Variants in GPI observed in about 807,000 individuals in gnomAD.
The protein encoded by GPI is glucose-6-phosphate isomerase.
A neutral mutation model predicts 75.8 loss-of-function variants in GPI; 56 were observed. That is an observed-to-expected ratio of 0.74 (90% CI 0.60 to 0.92). The LOEUF is 0.92. Among genes scored for constraint, GPI ranks in the 40% least tolerant of loss-of-function variants. GPI has a pLI of 0.00. For synonymous variants in GPI, 288 were observed against 285.4 expected (o/e 1.01, Z -0.09); for missense variants, 638 against 741.0 (o/e 0.86, Z 1.61).
In GPI at chr19:34,393,978, T is replaced by G. The variant is rs1242959406; in HGVS notation, c.974T>G (p.Ile325Ser). The G allele has an allele frequency of 1.9e-6, 3 of 1,613,656 alleles. No homozygotes were observed. The highest frequency in any genetic ancestry group is 2.5e-6 in the Non-Finnish European group (3 of 1,179,796). The change falls in exon 12 of 18, where the codon ATC becomes AGC. Residue 325 changes from isoleucine to serine, a missense_variant. Transcript: ENST00000356487. The surrounding 1 kb of genome is among the most constrained non-coding windows in gnomAD (Gnocchi z 4.4). ...NAPVLLALLG[I>S]WYINCFGCET... is the part of the protein sequence containing the mutation. The stretch of plus-strand genomic sequence containing the variant: ...CCCGTCTTGCTGGCCCTGCTGGGTA[T>G]CTGGTACATCAACTGCTTTGGGTGT...
intron 9 of GPI, among the ~76,000 whole-genome samples, chr19:34,384,322 G>A (rs1345256030): frequency 6.6e-6 from 1 of 152,192 alleles, no homozygotes; most frequent in Non-Finnish European, 1.5e-5. Flanking sequence ...AGCAGATCTA[G>A]CAGGCGAGGT....
upstream of GPI, among the ~76,000 whole-genome samples, chr19:34,362,122 A>G (rs1223403941): frequency 6.6e-5 from 10 of 150,810 alleles, no homozygotes; most frequent in East Asian, 1.9e-3. Flanking sequence ...TCAAAAAAAA[A>G]AAAAAAAAAA....
chr19:34,377,329 AAAAAAAAATATATAT>A (rs1568333189), intron 4 of GPI, among the ~76,000 whole-genome samples, 159 bp from the exon 5 acceptor site: 1 of 92,218 alleles, frequency 1.1e-5, no homozygotes, highest in African/African-American at 5.4e-5. Flanking sequence ...AAAAAAAAAA[AAAAAAAAATATATAT>A]ATATATATAT....
chr19:34,382,163 G>A (rs912892892), intron 9 of GPI, among the ~76,000 whole-genome samples: 1 of 152,186 alleles, frequency 6.6e-6, no homozygotes, highest in African/African-American at 2.4e-5. Flanking sequence ...CAGGGTGCAG[G>A]GGTGCAGTGC....
At chr19:34,360,445 G>T (rs180696555), upstream of GPI, among the ~76,000 whole-genome samples, 13 of 152,150 alleles carry the variant, frequency 8.5e-5, no homozygotes, top group African/African-American at 2.9e-4. Context: ...ATAATAATAA[G>T]AAAATTAGCC....
At position 34,400,025 on chromosome 19, in the gene GPI, A is replaced by G; in HGVS notation, c.1666A>G (p.Arg556Gly). The G allele has an allele frequency of 6.2e-7, 1 of 1,612,236 alleles. No homozygotes were observed. The highest frequency in any genetic ancestry group is 8.5e-7 in the Non-Finnish European group (1 of 1,179,994). ...CTTCATCAAGCAGCAGCGCGAGGCC[A>G]GAGTCCAATAAACTCGTGCTCATCT... ...INFIKQQREA[R>G]VQ Residue 556 changes from arginine to glycine, a missense_variant, in exon 18 of 18, where the codon AGA becomes GGA. Coordinates refer to ENST00000356487, the MANE Select transcript of GPI (RefSeq NM_000175.5).
chr19:34,381,571 A>G, intron 9 of GPI, 52 bp downstream of exon 9: 4 of 1,254,608 alleles, frequency 3.2e-6, no homozygotes, highest in East Asian at 2.3e-5. Flanking sequence ...TTGCCAAGTC[A>G]TGGCTGTTGA....
chr19:34,375,530 G>A (rs541119464), intron 4 of GPI, among the ~76,000 whole-genome samples: 43 of 152,258 alleles, frequency 2.8e-4, no homozygotes, highest in African/African-American at 9.1e-4. Flanking sequence ...TTGGTTTGGG[G>A]ATCTCTCATA....
At chr19:34,366,128 C>G (rs778577493) in intron 1 of GPI, 1 of 696,862 alleles carries the variant, frequency 1.4e-6, no homozygotes, top group Non-Finnish European at 2.6e-6. Context: ...CTGCCTGCAT[C>G]TACGGTCTGT....
upstream of GPI, among the ~76,000 whole-genome samples, chr19:34,361,750 G>GA (rs113197399): frequency 1.3e-5 from 2 of 152,238 alleles, no homozygotes; most frequent in African/African-American, 4.8e-5. Flanking sequence ...GGAAGCCGAG[G>GA]TGGGTGGATT....
intron 4 of GPI, among the ~76,000 whole-genome samples, chr19:34,372,181 T>C (rs773073522): frequency 1.3e-5 from 2 of 152,180 alleles, no homozygotes; most frequent in African/African-American, 4.8e-5. Flanking sequence ...TCCACCCACC[T>C]TGGCCTCCCA....
chr19:34,394,125 C>T, intron 12 of GPI, 59 bp downstream of exon 12: 1 of 1,394,942 alleles, frequency 7.2e-7, no homozygotes. Context: ...TCTGGGAGGT[C>T]TAGGAACCTG....
At chr19:34,391,282 T>C (rs559991567) in intron 9 of GPI, among the ~76,000 whole-genome samples, 1 of 151,264 alleles carries the variant, frequency 6.6e-6, no homozygotes, top group South Asian at 2.2e-4. Flanking sequence ...GGTCTGTCCA[T>C]GTCTAAGGAG....
chr19:34,368,887 C>T (rs2074408049), intron 4 of GPI, 185 bp downstream of exon 4: 1 of 698,818 alleles, frequency 1.4e-6, no homozygotes, highest in Non-Finnish European at 2.6e-6. Context: ...TGAATTTCTC[C>T]TGGCTCTGCT....
intron 4 of GPI, among the ~76,000 whole-genome samples, chr19:34,375,289 C>T (rs923164552): frequency 6.6e-6 from 1 of 152,016 alleles, no homozygotes; most frequent in Non-Finnish European, 1.5e-5. Context: ...ATTACAGGCA[C>T]ACGCCACCAT....
intron 2 of GPI, 78 bp from the exon 3 acceptor site, chr19:34,366,705 C>T: frequency 2.0e-6 from 2 of 999,994 alleles, no homozygotes; most frequent in Non-Finnish European, 3.2e-6. Context: ...GGGGACAGCA[C>T]CAAGCCTTGT....
chr19:34,385,710 G>A (rs1220070339), intron 9 of GPI, among the ~76,000 whole-genome samples: 1 of 152,184 alleles, frequency 6.6e-6, no homozygotes, highest in East Asian at 1.9e-4. Context: ...AGTAGAGGTA[G>A]GCAGAGCTGG....
intron 14 of GPI, 191 bp from the exon 15 acceptor site, chr19:34,399,016 G>C: frequency 3.8e-6 from 2 of 528,946 alleles, no homozygotes; most frequent in Non-Finnish European, 6.8e-6. Context: ...CTGGTGTGTA[G>C]TTCTTAAAGA....
At position 34,399,871 on chromosome 19, in the gene GPI, C is replaced by T. The variant is rs8191428; in HGVS notation, c.1542-30C>T. ...AGCAACGTTAGAGCCTTCCTCATAC[C>T]ACTCTTCCCTTCCCTTCCCTTCTTG... On this transcript the variant is annotated intron_variant, in intron 17 of 17. Transcript: ENST00000356487. 2.5e-4 allele frequency: 408 copies of T among 1,613,716 alleles called. 1 individual carries two copies. In the African/African-American group the frequency reaches 2.8e-3, roughly 11 times the overall value.
Sources: allele counts gnomAD v4.1 joint callset (sites outside exome capture counted in the v4.1 genomes callset), GRCh38; gene constraint gnomAD v4.1.1; non-coding constraint Gnocchi (gnomAD v3.1); transcripts MANE v1.5; gene names NCBI Gene and HGNC (gene_info 2026-07-23, HGNC 2026-07-21).